FBXL7: variants seen among roughly 807,000 people sequenced by gnomAD.
FBXL7 encodes the protein F-box and leucine rich repeat protein 7.
Under a neutral mutation model 38.3 loss-of-function variants are expected in FBXL7, and 12 were observed. The observed-to-expected ratio is 0.31, with a 90% CI of 0.20 to 0.51. The LOEUF (loss-of-function observed/expected upper bound fraction) is 0.51, where lower values mean the gene tolerates loss of function less well. Among genes scored for constraint, FBXL7 ranks in the 20% least tolerant of loss-of-function variants. The probability of loss-of-function intolerance (pLI) is 0.98; values close to 1 mark genes in which losing one functional copy is unlikely to be tolerated. For missense variants in FBXL7, 567 were observed against 676.4 expected, an observed-to-expected ratio of 0.84 and a Z score of 1.79; for synonymous variants, 297 against 300.9, an observed-to-expected ratio of 0.99 and a Z score of 0.13.
chr5:15,676,564 C>T (rs754938854), intron 2 of FBXL7, among the ~76,000 whole-genome samples: 13 of 152,150 alleles, frequency 8.5e-5, no homozygotes, highest in Non-Finnish European at 1.5e-4. Flanking sequence ...GACAGTTTTA[C>T]GGAAAATATT....
At chr5:15,734,843 T>C (rs1306026356) in intron 2 of FBXL7, among the ~76,000 whole-genome samples, 1 of 152,220 alleles carries the variant, frequency 6.6e-6, no homozygotes, top group Non-Finnish European at 1.5e-5. Context: ...AGAGAAAGCA[T>C]GTCCAGATGG....
rs555743152 is a variant in FBXL7, at chr5:15,874,069, C to A, written c.128-53821C>A. On this transcript the variant is annotated intron_variant, in intron 2 of 3. Transcript: ENST00000504595. ...AGTAGCACATTAAAAAGCTTATCCA[C>A]CACAATCAAGTCAGCTTCATCCCTG... Among the ~76,000 whole-genome samples, 3 of 152,142 alleles carry A rather than the reference C, an allele frequency of 2.0e-5. No individual in the cohort carries two copies. The South Asian group carries it at 6.2e-4, about 31-fold the overall frequency.
At chr5:15,524,988 A>G (rs1737208226) in intron 1 of FBXL7, among the ~76,000 whole-genome samples, 1 of 152,234 alleles carries the variant, frequency 6.6e-6, no homozygotes, top group South Asian at 2.1e-4. Context: ...GGGTGTCCAC[A>G]GAAGCCTCTC....
chr5:15,622,941 G>A (rs1312393170), intron 2 of FBXL7, among the ~76,000 whole-genome samples: 1 of 152,272 alleles, frequency 6.6e-6, no homozygotes, highest in East Asian at 1.9e-4. Flanking sequence ...ATGACCTCAA[G>A]TGATCCCCCC....
chr5:15,867,152 C>T lies in FBXL7; in HGVS notation c.128-60738C>T, dbSNP rs7727880. On this transcript the variant is annotated intron_variant, in intron 2 of 3. Coordinates refer to ENST00000504595, the MANE Select transcript of FBXL7 (RefSeq NM_012304.5). ...GGATAAAGTTTCAGTACTCACTATG[C>T]ACTAAAGTCCCCTGTTCTCTCAGAC... is the stretch of plus-strand genomic sequence containing the variant. Among the ~76,000 whole-genome samples the T allele has an allele frequency of 3.5e-3, 536 of 152,278 alleles. 5 individuals are homozygous for T. The highest frequency in any genetic ancestry group is 0.012 in the African/African-American group (517 of 41,566).
chr5:15,893,327 G>A (rs1740989613), intron 2 of FBXL7, among the ~76,000 whole-genome samples: 1 of 152,026 alleles, frequency 6.6e-6, no homozygotes, highest in South Asian at 2.1e-4. Context: ...TCTTTCAAAG[G>A]ATGCTATGAA....
At chr5:15,567,286 G>A (rs1348309191) in intron 1 of FBXL7, among the ~76,000 whole-genome samples, 1 of 152,104 alleles carries the variant, frequency 6.6e-6, no homozygotes, top group Non-Finnish European at 1.5e-5. Flanking sequence ...CCAATCCTAT[G>A]CTATGATTTT....
At chr5:15,768,248 C>A (rs987754174) in intron 2 of FBXL7, among the ~76,000 whole-genome samples, 2 of 152,070 alleles carry the variant, frequency 1.3e-5, no homozygotes, top group Non-Finnish European at 2.9e-5. Context: ...AGTAACATTG[C>A]TGGCTGGGCA....
intron 2 of FBXL7, among the ~76,000 whole-genome samples, chr5:15,733,625 A>T (rs1455946476): frequency 1.3e-5 from 2 of 152,158 alleles, no homozygotes; most frequent in African/African-American, 2.4e-5. Context: ...CAGAATTTGG[A>T]GTCTGACATA....
chr5:15,822,622 C>CTTTT (rs371800054), intron 2 of FBXL7, among the ~76,000 whole-genome samples: 35 of 131,776 alleles, frequency 2.7e-4, no homozygotes, highest in African/African-American at 3.7e-4. Context: ...GCTGGTTGCT[C>CTTTT]TTTTTTTTTT....
intron 2 of FBXL7, among the ~76,000 whole-genome samples, chr5:15,799,402 C>T (rs1737501224): frequency 9.0e-6 from 1 of 111,092 alleles, no homozygotes; most frequent in Non-Finnish European, 1.8e-5. Context: ...ACATTTGTTC[C>T]CCAGGCTTGA....
At chr5:15,529,644 T>C (rs940894736) in intron 1 of FBXL7, among the ~76,000 whole-genome samples, 2 of 152,186 alleles carry the variant, frequency 1.3e-5, no homozygotes, top group Non-Finnish European at 2.9e-5. Flanking sequence ...CACCTCGGCC[T>C]CCCAAAGTGC....
chr5:15,848,442 C>G (rs931036944), intron 2 of FBXL7, among the ~76,000 whole-genome samples: 1 of 152,096 alleles, frequency 6.6e-6, no homozygotes, highest in African/African-American at 2.4e-5. Context: ...AGTGCAGTGG[C>G]GTGATTTCGG....
At chr5:15,542,048 T>C (rs1040658467) in intron 1 of FBXL7, among the ~76,000 whole-genome samples, 3 of 152,158 alleles carry the variant, frequency 2.0e-5, no homozygotes, top group Non-Finnish European at 2.9e-5. Flanking sequence ...TGAAAATCAC[T>C]GTCTATCAGT....
intron 1 of FBXL7, among the ~76,000 whole-genome samples, chr5:15,603,907 C>T (rs1439905095): frequency 2.6e-5 from 4 of 152,128 alleles, no homozygotes; most frequent in Non-Finnish European, 5.9e-5. Context: ...GAGGCTGAGG[C>T]GAGTGGGTCA....
chr5:15,789,235 A>T (rs1479778570), intron 2 of FBXL7, among the ~76,000 whole-genome samples: 4 of 152,040 alleles, frequency 2.6e-5, no homozygotes, highest in Admixed American at 2.0e-4. Context: ...AGCAGCCATC[A>T]GAGTTTGGAA....
intron 3 of FBXL7, among the ~76,000 whole-genome samples, chr5:15,932,016 G>A (rs1742049764): frequency 6.6e-6 from 1 of 152,054 alleles, no homozygotes. Context: ...GCTTTATAAG[G>A]GCAGAAATAT....
chr5:15,802,771 A>T (rs531173435), intron 2 of FBXL7, among the ~76,000 whole-genome samples: 1 of 152,044 alleles, frequency 6.6e-6, no homozygotes, highest in African/African-American at 2.4e-5. Context: ...CTCCTGGCTC[A>T]GCCTCCCAAG....
At chr5:15,684,958 T>C (rs920593575) in intron 2 of FBXL7, among the ~76,000 whole-genome samples, 3 of 152,204 alleles carry the variant, frequency 2.0e-5, no homozygotes, top group African/African-American at 7.2e-5. Flanking sequence ...TATATGTTGC[T>C]GGGGAGAAAA....
Sources: allele counts gnomAD v4.1 joint callset (sites outside exome capture counted in the v4.1 genomes callset), GRCh38; gene constraint gnomAD v4.1.1; transcripts MANE v1.5; gene names NCBI Gene and HGNC (gene_info 2026-07-23, HGNC 2026-07-21).